SYN2: variants seen among roughly 807,000 people sequenced by gnomAD.
The protein encoded by SYN2 is synapsin-2.
In SYN2, 19 loss-of-function variants were observed where a neutral mutation model predicts 50.9. That is an observed-to-expected ratio of 0.37 (90% CI 0.26 to 0.55). SYN2 has a LOEUF of 0.55. Ranked by LOEUF, SYN2 falls within the 20% of genes least tolerant of loss-of-function variation. SYN2 has a pLI of 0.81. For missense variants in SYN2, 587 were observed against 576.4 expected (o/e 1.02, Z -0.19); for synonymous variants, 255 against 224.9 (o/e 1.13, Z -1.20).
At chr3:12,169,651 C>T in intron 9 of SYN2, 106 bp from the exon 10 acceptor site, 1 of 1,279,156 alleles carries the variant, frequency 7.8e-7, no homozygotes, top group Non-Finnish European at 1.1e-6. Context: ...CCTGCTTCAT[C>T]TCCAGTCCAT....
intron 1 of SYN2, among the ~76,000 whole-genome samples, chr3:12,039,416 A>G (rs1032321334): frequency 1.3e-5 from 2 of 152,186 alleles, no homozygotes; most frequent in African/African-American, 4.8e-5. Context: ...ATGTGCTACC[A>G]CCATGCCACA....
chr3:12,185,237 T>A, intron 11 of SYN2: 1 of 985,836 alleles, frequency 1.0e-6, no homozygotes, highest in Non-Finnish European at 1.2e-6. Context: ...AAAGTAACAT[T>A]TCCCAGAATG....
At chr3:12,123,340 A>G (rs949004049) in intron 1 of SYN2, among the ~76,000 whole-genome samples, 7 of 152,386 alleles carry the variant, frequency 4.6e-5, no homozygotes, top group Middle Eastern at 3.4e-3. Context: ...ATCCAAAGAT[A>G]AAAGAGATAT....
At chr3:12,091,430 A>T (rs570342588) in intron 1 of SYN2, among the ~76,000 whole-genome samples, 1 of 152,306 alleles carries the variant, frequency 6.6e-6, no homozygotes, top group Admixed American at 6.5e-5. Flanking sequence ...AAATTTAATT[A>T]ATCAGCTATG....
At chr3:12,141,424 C>G (rs1697015248) in intron 2 of SYN2, among the ~76,000 whole-genome samples, 1 of 152,144 alleles carries the variant, frequency 6.6e-6, no homozygotes, top group East Asian at 1.9e-4. Flanking sequence ...TTTTGTAGAT[C>G]AGGGAAATGG....
intron 1 of SYN2, among the ~76,000 whole-genome samples, chr3:12,005,429 C>G (rs2125127357): frequency 6.6e-6 from 1 of 152,062 alleles, no homozygotes; most frequent in East Asian, 1.9e-4. Flanking sequence ...CCCATGAAGG[C>G]TGATATCAAG....
chr3:12,065,012 A>G (rs549545919), intron 1 of SYN2, among the ~76,000 whole-genome samples: 2 of 152,344 alleles, frequency 1.3e-5, no homozygotes, highest in Admixed American at 1.3e-4. Context: ...GTATAGCTCT[A>G]CAATGGAATG....
intron 1 of SYN2, among the ~76,000 whole-genome samples, chr3:12,080,512 C>G (rs1429572262): frequency 1.3e-5 from 2 of 152,038 alleles, no homozygotes; most frequent in Admixed American, 6.6e-5. Flanking sequence ...ACTTTGTTCT[C>G]GTTGGCTTCA....
rs1163289287 is a variant in SYN2, at chr3:12,191,136, AAGCAC to A, written c.*513_*517del. 8 of 985,546 alleles carry A rather than the reference AAGCAC, an allele frequency of 8.1e-6. No homozygotes were observed. The highest frequency in any genetic ancestry group is 9.6e-6 in the Non-Finnish European group (8 of 830,136). The allele number at this position is 985,546 out of a possible 1,614,324, so 61.1% of individuals were successfully genotyped here. A position where few individuals can be genotyped will look rare whatever the true frequency, so the allele number is the denominator to read the frequency against. On this transcript the variant is annotated 3_prime_UTR_variant, in exon 13 of 13. Coordinates refer to ENST00000621198, the MANE Select transcript of SYN2 (RefSeq NM_133625.6). ...CTTGTCATACCTGTGTTACTGTTTA[AAGCAC>A]ACCCACCCAACTTACAAGATCTTAG... is the stretch of plus-strand genomic sequence containing the variant.
chr3:12,148,965 G>A (rs751613534), intron 4 of SYN2, among the ~76,000 whole-genome samples: 1 of 152,218 alleles, frequency 6.6e-6, no homozygotes, highest in Non-Finnish European at 1.5e-5. Context: ...ATTGGTGACT[G>A]TGTGGCTGTG....
chr3:12,158,394 A>G (rs1198141060), intron 5 of SYN2, among the ~76,000 whole-genome samples: 1 of 152,196 alleles, frequency 6.6e-6, no homozygotes, highest in Non-Finnish European at 1.5e-5. Flanking sequence ...CTAGTAGTTC[A>G]GAATAATCAT....
intron 1 of SYN2, among the ~76,000 whole-genome samples, chr3:12,042,462 G>A (rs1356075447): frequency 1.3e-5 from 2 of 152,166 alleles, no homozygotes; most frequent in African/African-American, 4.8e-5. Context: ...TAAGGGATTT[G>A]TAGATATTGT....
chr3:12,061,112 G>A (rs1270428101), intron 1 of SYN2, among the ~76,000 whole-genome samples: 1 of 152,154 alleles, frequency 6.6e-6, no homozygotes, highest in African/African-American at 2.4e-5. Context: ...CCTTTGATGG[G>A]CTATTCTGGA....
intron 1 of SYN2, among the ~76,000 whole-genome samples, chr3:12,020,841 T>C (rs1222282095): frequency 2.0e-5 from 3 of 152,210 alleles, no homozygotes; most frequent in African/African-American, 7.2e-5. Context: ...GCCTATAGTT[T>C]AGTGGAGGAG....
Position 12,004,549 on chromosome 3 carries a change from C to A in SYN2, c.-3C>A, listed in dbSNP as rs1417213675. ...CCCGCGCGCCCCCAGCCCTTTAAGC[C>A]AGATGATGAACTTCCTGCGGCGCCG... On this transcript the variant is annotated 5_prime_UTR_variant, in exon 1 of 13. Coordinates refer to ENST00000621198, the MANE Select transcript of SYN2 (RefSeq NM_133625.6). The A allele has an allele frequency of 1.5e-6, 1 of 659,266 alleles. No homozygotes were observed. The highest frequency in any genetic ancestry group is 2.2e-5 in the Admixed American group (1 of 46,254). 40.8% of individuals were successfully genotyped at this position (659,266 alleles called of 1,614,324 possible). A position where few individuals can be genotyped will look rare whatever the true frequency, so the allele number is the denominator to read the frequency against.
chr3:12,183,622 C>T (rs565929389), intron 11 of SYN2: 5 of 1,442,964 alleles, frequency 3.5e-6, no homozygotes, highest in East Asian at 2.6e-5. Context: ...TGTTCCTGTT[C>T]GTGCTTGTAA....
intron 5 of SYN2, among the ~76,000 whole-genome samples, chr3:12,160,000 G>C (rs1021746241): frequency 3.8e-5 from 5 of 129,894 alleles, no homozygotes; most frequent in African/African-American, 1.4e-4. Flanking sequence ...CTGAGACTGT[G>C]CCACTGCACT....
chr3:12,090,470 G>T (rs1330393899), intron 1 of SYN2, among the ~76,000 whole-genome samples: 3 of 152,102 alleles, frequency 2.0e-5, no homozygotes, highest in Non-Finnish European at 4.4e-5. Context: ...GAAGACCCAA[G>T]TTTAAATTTC....
intron 1 of SYN2, among the ~76,000 whole-genome samples, chr3:12,119,022 A>G (rs1408942301): frequency 1.3e-5 from 2 of 152,146 alleles, no homozygotes; most frequent in Admixed American, 6.5e-5. Flanking sequence ...TCTCATTTGC[A>G]CTTGTGGTTG....
Sources: gnomAD v4.1 joint callset for allele counts (sites outside exome capture counted in the v4.1 genomes callset) on GRCh38, gnomAD v4.1.1 for gene constraint, MANE v1.5 for transcripts, NCBI Gene and HGNC (gene_info 2026-07-23, HGNC 2026-07-21) for gene names.